Variants in TAFA4 observed in about 807,000 individuals in gnomAD.
TAFA4 encodes TAFA chemokine like family member 4.
In TAFA4, 20 loss-of-function variants were observed where a neutral mutation model predicts 21.1. The observed-to-expected ratio is 0.95, with a 90% CI of 0.67 to 1.38. The LOEUF (loss-of-function observed/expected upper bound fraction) is 1.38, where lower values mean the gene tolerates loss of function less well. Ranked by LOEUF, TAFA4 falls within the 40% of genes most tolerant of loss-of-function variation. The pLI is 0.00. For synonymous variants in TAFA4, 71 were observed against 67.4 expected (o/e 1.05, Z -0.26); for missense variants, 211 against 180.9 (o/e 1.17, Z -0.95).
At chr3:68,864,736 G>T (rs555125705) in intron 3 of TAFA4, among the ~76,000 whole-genome samples, 42 of 152,162 alleles carry the variant, frequency 2.8e-4, no homozygotes, top group African/African-American at 8.9e-4. Context: ...GGCACATAAT[G>T]GAATACTACT....
At chr3:68,907,102 A>T (rs967455152) in intron 1 of TAFA4, among the ~76,000 whole-genome samples, 8 of 151,402 alleles carry the variant, frequency 5.3e-5, no homozygotes, top group African/African-American at 1.9e-4. Context: ...TCTAAAAACC[A>T]GTTTCCATGG....
chr3:68,844,373 T>C (rs952918424), intron 3 of TAFA4, among the ~76,000 whole-genome samples: 1 of 152,174 alleles, frequency 6.6e-6, no homozygotes, highest in Non-Finnish European at 1.5e-5. Context: ...ATCCCCTTTA[T>C]CACTTTTTAT....
At chr3:68,867,080 C>A (rs2089429402) in intron 3 of TAFA4, among the ~76,000 whole-genome samples, 1 of 151,906 alleles carries the variant, frequency 6.6e-6, no homozygotes, top group African/African-American at 2.4e-5. Context: ...ACAAGGATGT[C>A]AGAGATCACC....
intron 3 of TAFA4, among the ~76,000 whole-genome samples, chr3:68,771,327 A>G (rs1425291591): frequency 6.6e-6 from 1 of 152,238 alleles, no homozygotes; most frequent in African/African-American, 2.4e-5. Flanking sequence ...GAAAGAACAT[A>G]CTGTAACACA....
At chr3:68,776,011 T>C (rs1356749939) in intron 3 of TAFA4, among the ~76,000 whole-genome samples, 2 of 152,098 alleles carry the variant, frequency 1.3e-5, no homozygotes, top group Admixed American at 6.5e-5. Context: ...CAAAATGTTA[T>C]GTTTAAAAAT....
chr3:68,773,000 A>G (rs924239076), intron 3 of TAFA4, among the ~76,000 whole-genome samples: 9 of 152,166 alleles, frequency 5.9e-5, no homozygotes, highest in Admixed American at 6.5e-5. Flanking sequence ...AATGATCTCA[A>G]TCATCTATAT....
chr3:68,815,998 C>T lies in TAFA4; in HGVS notation c.131-62980G>A, dbSNP rs146042088. 2.8e-3 allele frequency among the ~76,000 whole-genome samples: 432 copies of T among 152,148 alleles called. 2 individuals are homozygous for T. The highest frequency in any genetic ancestry group is 9.7e-3 in the African/African-American group (402 of 41,494). On this transcript the variant is annotated intron_variant, in intron 3 of 5. Transcript: ENST00000295569. The stretch of plus-strand genomic sequence containing the variant: ...CACTATGCAGCCATAAAAAAGGATG[C>T]GTTCATGTCCTTTGTAGGGACATAT...
At chr3:68,920,575 C>G (rs1432727708) in intron 1 of TAFA4, among the ~76,000 whole-genome samples, 1 of 151,116 alleles carries the variant, frequency 6.6e-6, no homozygotes, top group Non-Finnish European at 1.5e-5. Flanking sequence ...TTCATAGTAT[C>G]TGAGAAGGGA....
At chr3:68,747,035 C>A (rs981444838) in intron 4 of TAFA4, among the ~76,000 whole-genome samples, 2 of 152,156 alleles carry the variant, frequency 1.3e-5, no homozygotes, top group Middle Eastern at 3.2e-3. Context: ...CAAAATCGCC[C>A]CTGGTTGAGA....
chr3:68,904,726 T>C (rs1344777409), intron 1 of TAFA4, among the ~76,000 whole-genome samples: 1 of 152,164 alleles, frequency 6.6e-6, no homozygotes, highest in Non-Finnish European at 1.5e-5. Context: ...CCCAGAATCA[T>C]CCACCGAAGG....
chr3:68,807,148 C>T (rs1703718816), intron 3 of TAFA4, among the ~76,000 whole-genome samples: 1 of 152,212 alleles, frequency 6.6e-6, no homozygotes, highest in African/African-American at 2.4e-5. Flanking sequence ...GCAGCTAATC[C>T]ACAGGCTGGC....
intron 4 of TAFA4, among the ~76,000 whole-genome samples, chr3:68,743,873 G>T (rs1009788131): frequency 8.5e-5 from 13 of 152,054 alleles, no homozygotes; most frequent in African/African-American, 2.7e-4. Flanking sequence ...TAATATTTTA[G>T]ATTAGGAAGT....
At chr3:68,733,240 C>A (rs549065025) in intron 5 of TAFA4, 87 bp from the exon 6 acceptor site, 13 of 1,500,830 alleles carry the variant, frequency 8.7e-6, no homozygotes, top group African/African-American at 1.4e-5. Flanking sequence ...AAGGTCCTGA[C>A]TGTGAATACT....
intron 4 of TAFA4, among the ~76,000 whole-genome samples, chr3:68,742,451 T>C (rs1702375957): frequency 6.7e-6 from 1 of 149,048 alleles, no homozygotes; most frequent in South Asian, 2.2e-4. Context: ...TCAGAAACTC[T>C]AGTTCAAACA....
intron 1 of TAFA4, among the ~76,000 whole-genome samples, chr3:68,917,991 T>C (rs754657975): frequency 3.3e-5 from 5 of 152,154 alleles, no homozygotes; most frequent in Admixed American, 2.6e-4. Context: ...TTTCACATAG[T>C]CATCAATTGG....
Position 68,752,927 on chromosome 3 carries a change from G to A in TAFA4, c.222C>T (p.Val74=). 1 of 1,614,080 alleles carries A rather than the reference G, an allele frequency of 6.2e-7. No individual in the cohort carries two copies. Among genetic ancestry groups the A allele is most frequent in the Non-Finnish European group, 8.5e-7 (1 of 1,180,020 alleles). Residue 74 remains valine (V), a synonymous_variant, in exon 4 of 6, where the codon GTC becomes GTT. Coordinates refer to ENST00000295569, the MANE Select transcript of TAFA4 (RefSeq NM_182522.5). The part of the protein sequence containing the change: ...KNRIEERSQT[V]KCSCFPGQVA... ...CCTGTCCCGGGAAGCAAGAGCACTT[G>A]ACCGTTTGTGACCGCTCTTCTATGC... is the stretch of plus-strand genomic sequence containing the variant.
chr3:68,745,567 G>C (rs895123702), intron 4 of TAFA4, among the ~76,000 whole-genome samples: 1 of 152,196 alleles, frequency 6.6e-6, no homozygotes, highest in African/African-American at 2.4e-5. Context: ...CCCTGGTTTT[G>C]TGGTAGCAAC....
At position 68,883,493 on chromosome 3, in the gene TAFA4, A is replaced by G. The variant is rs902419475; in HGVS notation, c.14+1682T>C. 1.4e-4 allele frequency among the ~76,000 whole-genome samples: 21 copies of G among 152,234 alleles called. 1 individual carries two copies. The highest frequency in any genetic ancestry group is 2.4e-5 in the African/African-American group (1 of 41,468). ...TGAAATCCCTTCATCTATGCCTTAC[A>G]GGTGTAATTTAATCAAAGATGTGAA... On this transcript the variant is annotated intron_variant, in intron 2 of 5. Transcript: ENST00000295569.
intron 3 of TAFA4, among the ~76,000 whole-genome samples, chr3:68,859,357 CT>C (rs373112137): frequency 5.0e-4 from 76 of 152,254 alleles, no homozygotes; most frequent in African/African-American, 1.8e-3. Flanking sequence ...CTTCCTCCCC[CT>C]GAGACACTTA....
Sources: gnomAD v4.1 joint callset for allele counts (sites outside exome capture counted in the v4.1 genomes callset) on GRCh38, gnomAD v4.1.1 for gene constraint, MANE v1.5 for transcripts, NCBI Gene and HGNC (gene_info 2026-07-23, HGNC 2026-07-21) for gene names.